MARK1: variants seen among roughly 807,000 people sequenced by gnomAD.
The protein encoded by MARK1 is serine/threonine-protein kinase MARK1.
MARK1 carries 40 observed loss-of-function variants against 96.3 expected under a neutral mutation model. That is an observed-to-expected ratio of 0.42 (90% CI 0.32 to 0.54). The LOEUF is 0.54. Among genes scored for constraint, MARK1 ranks in the 20% least tolerant of loss-of-function variants. The pLI, the probability that MARK1 is intolerant of heterozygous loss-of-function variation, is 0.16. For missense variants in MARK1, 719 were observed against 984.6 expected, an observed-to-expected ratio of 0.73 and a Z score of 3.61; for synonymous variants, 317 against 341.2, an observed-to-expected ratio of 0.93 and a Z score of 0.78.
intron 1 of MARK1, among the ~76,000 whole-genome samples, chr1:220,551,948 G>C (rs936782396): frequency 2.0e-5 from 3 of 152,188 alleles, no homozygotes; most frequent in Admixed American, 2.0e-4. Flanking sequence ...GCCATCAGAA[G>C]TCTTGCCTGC....
intron 9 of MARK1, chr1:220,627,192 C>T (rs536112512): frequency 2.3e-5 from 11 of 473,928 alleles, no homozygotes; most frequent in South Asian, 1.0e-4. Context: ...GCGATGAGAG[C>T]GAAGAAGACC....
chr1:220,657,745 T>C (rs1057198131), intron 16 of MARK1, 45 bp from the exon 17 acceptor site: 2 of 1,415,860 alleles, frequency 1.4e-6, no homozygotes, highest in African/African-American at 3.0e-5. Context: ...TCTTGATATA[T>C]TTTTTACTTT....
intron 6 of MARK1, among the ~76,000 whole-genome samples, chr1:220,608,169 T>C (rs1476473420): frequency 6.6e-6 from 1 of 152,166 alleles, no homozygotes; most frequent in Non-Finnish European, 1.5e-5. Context: ...ATTTGGCTGT[T>C]AATCCATCTG....
chr1:220,534,211 A>G (rs910194037), intron 1 of MARK1, among the ~76,000 whole-genome samples: 14 of 152,106 alleles, frequency 9.2e-5, no homozygotes, highest in South Asian at 4.1e-4. Flanking sequence ...TTTTGGGGGT[A>G]TATGTGTTAA....
In MARK1 at chr1:220,573,128, ATTTG is replaced by A. The variant is rs370445682; in HGVS notation, c.52-6202_52-6199del. ...GTGATCTTCTACACTGGGTTTTTTT[ATTTG>A]TTTGTTTGTTTGTTTGTTTGTTTTG... On this transcript the variant is annotated intron_variant, in intron 1 of 17. Coordinates refer to ENST00000366917, the MANE Select transcript of MARK1 (RefSeq NM_018650.5). Among the ~76,000 whole-genome samples the A allele has an allele frequency of 5.7e-3, 867 of 150,944 alleles. 9 individuals carry two copies. The highest frequency in any genetic ancestry group is 0.017 in the African/African-American group (713 of 41,084).
At chr1:220,652,439 A>AT (rs1278267635) in intron 15 of MARK1, among the ~76,000 whole-genome samples, 2 of 152,106 alleles carry the variant, frequency 1.3e-5, no homozygotes, top group Non-Finnish European at 2.9e-5. Flanking sequence ...AGGTAAATTG[A>AT]TTTTTTTATT....
chr1:220,639,536 A>G (rs1370092942), intron 13 of MARK1, among the ~76,000 whole-genome samples: 3 of 152,088 alleles, frequency 2.0e-5, no homozygotes, highest in Non-Finnish European at 2.9e-5. Context: ...GCACATCCTT[A>G]TACATTTATG....
rs960915228 is a variant in MARK1, at chr1:220,528,527, A to G, written c.-296A>G. The G allele has an allele frequency of 1.0e-4, 45 of 432,610 alleles. No homozygotes were observed. Among genetic ancestry groups the G allele is most frequent in the South Asian group, 1.1e-4 (3 of 26,668 alleles). The allele number at this position is 432,610 out of a possible 1,614,324, so 26.8% of individuals were successfully genotyped here. A position where few individuals can be genotyped will look rare whatever the true frequency, so the allele number is the denominator to read the frequency against. ...CCTCCCGGCTCCCCTTCCACGCCTC[A>G]TCCTGCCAGCCTCGCCGCCCCGCCA... On this transcript the variant is annotated 5_prime_UTR_variant, in exon 1 of 18. Transcript: ENST00000366917.
At chr1:220,546,239 T>C (rs1661483276) in intron 1 of MARK1, among the ~76,000 whole-genome samples, 2 of 152,198 alleles carry the variant, frequency 1.3e-5, no homozygotes, top group Admixed American at 1.3e-4. Flanking sequence ...TTCCTTATAG[T>C]TTTAACAAAC....
At chr1:220,551,381 A>C (rs976673562) in intron 1 of MARK1, among the ~76,000 whole-genome samples, 6 of 152,218 alleles carry the variant, frequency 3.9e-5, no homozygotes, top group African/African-American at 7.2e-5. Context: ...CATAGAGAGA[A>C]GGGAATTCTG....
chr1:220,535,566 T>C (rs1660628613), intron 1 of MARK1, among the ~76,000 whole-genome samples: 1 of 152,142 alleles, frequency 6.6e-6, no homozygotes, highest in South Asian at 2.1e-4. Context: ...GCTTTTGATA[T>C]CATATACAAG....
intron 3 of MARK1, among the ~76,000 whole-genome samples, chr1:220,584,399 C>T (rs1166853904): frequency 1.3e-5 from 2 of 152,084 alleles, no homozygotes; most frequent in African/African-American, 2.4e-5. Flanking sequence ...GAATGTGAAT[C>T]GCTTTGCTAG....
chr1:220,634,012 AT>A (rs1416585347), intron 11 of MARK1, among the ~76,000 whole-genome samples: 2 of 152,240 alleles, frequency 1.3e-5, no homozygotes, highest in African/African-American at 4.8e-5. Context: ...ACAAATACTA[AT>A]TAATCCAATC....
chr1:220,642,858 C>A (rs1294776704), intron 13 of MARK1, among the ~76,000 whole-genome samples: 3 of 152,092 alleles, frequency 2.0e-5, no homozygotes, highest in African/African-American at 7.2e-5. Flanking sequence ...CTGCAGCAGA[C>A]CTGCGGAAGA....
At chr1:220,646,797 T>C (rs1205248709) in intron 13 of MARK1, among the ~76,000 whole-genome samples, 2 of 152,158 alleles carry the variant, frequency 1.3e-5, no homozygotes, top group African/African-American at 4.8e-5. Context: ...AAACAAGCAA[T>C]GGGGAAAGGA....
chr1:220,534,305 T>G (rs1462761892), intron 1 of MARK1, among the ~76,000 whole-genome samples: 1 of 152,114 alleles, frequency 6.6e-6, no homozygotes, highest in Non-Finnish European at 1.5e-5. Context: ...CTAGCAACAT[T>G]AAAATTATTC....
At chr1:220,586,214 C>T (rs1271959701) in intron 3 of MARK1, among the ~76,000 whole-genome samples, 3 of 152,120 alleles carry the variant, frequency 2.0e-5, no homozygotes, top group Non-Finnish European at 4.4e-5. Flanking sequence ...ACCATGAACT[C>T]GCCGTAGCTT....
intron 1 of MARK1, among the ~76,000 whole-genome samples, chr1:220,556,496 A>AAC (rs1553316261): frequency 1.5e-4 from 22 of 147,904 alleles, no homozygotes; most frequent in African/African-American, 4.2e-4. Flanking sequence ...AAAAAAAAAA[A>AAC]AAAAAAAAAA....
chr1:220,542,700 T>C (rs1661228694), intron 1 of MARK1, among the ~76,000 whole-genome samples: 1 of 152,194 alleles, frequency 6.6e-6, no homozygotes, highest in Non-Finnish European at 1.5e-5. Flanking sequence ...GTTTGTTGAT[T>C]TGTTTTTTTA....
Sources: gnomAD v4.1 joint callset for allele counts (sites outside exome capture counted in the v4.1 genomes callset) on GRCh38, gnomAD v4.1.1 for gene constraint, MANE v1.5 for transcripts, NCBI Gene and HGNC (gene_info 2026-07-23, HGNC 2026-07-21) for gene names.